SETDB1: variants seen among roughly 807,000 people sequenced by gnomAD.
SETDB1 encodes histone-lysine N-methyltransferase SETDB1.
In SETDB1, 31 loss-of-function variants were observed where a neutral mutation model predicts 137.4. The observed-to-expected ratio is 0.23, with a 90% CI of 0.17 to 0.30. SETDB1 has a LOEUF of 0.30. Among genes scored for constraint, SETDB1 ranks in the 10% least tolerant of loss-of-function variants. The pLI is 1.00. For synonymous variants in SETDB1, 548 were observed against 579.9 expected (o/e 0.95, Z 0.79); for missense variants, 1,113 against 1,631.5 (o/e 0.68, Z 5.47).
At chr1:150,954,177 C>G (rs1345595508) in intron 14 of SETDB1, among the ~76,000 whole-genome samples, 1 of 152,076 alleles carries the variant, frequency 6.6e-6, no homozygotes, top group Non-Finnish European at 1.5e-5. Flanking sequence ...AAAAAATTAG[C>G]CGGGCATGGT....
intron 12 of SETDB1, 129 bp downstream of exon 12, chr1:150,949,654 G>T: frequency 1.4e-6 from 1 of 731,418 alleles, no homozygotes. Context: ...ACTTGAAAAG[G>T]AAGCTTTACC....
rs1300358490 is a variant in SETDB1 at position 150,949,022 on chromosome 1, G to A, written c.1268-100G>A. On this transcript the variant is annotated intron_variant, in intron 10 of 21. Transcript: ENST00000692827. ...GCAAGAGCCACTGCGCCCAGCCATT[G>A]CTTCCTTTTTATATTGTATAAGTTA... is the stretch of plus-strand genomic sequence containing the variant. The A allele has an allele frequency of 1.5e-5, 18 of 1,235,710 alleles. No homozygotes were observed. The Admixed American group carries it at 1.7e-4, about 12-fold the overall frequency. The allele number at this position is 1,235,710 out of a possible 1,614,324, so 76.5% of individuals were successfully genotyped here. A position where few individuals can be genotyped will look rare whatever the true frequency, so the allele number is the denominator to read the frequency against.
chr1:150,951,260 G>A, intron 13 of SETDB1, 105 bp from the exon 14 acceptor site: 3 of 1,116,776 alleles, frequency 2.7e-6, no homozygotes, highest in South Asian at 1.4e-5. Flanking sequence ...TAGGGAGGCT[G>A]GAGTCTGACA....
chr1:150,938,826 CTTTT>C (rs368724725), intron 3 of SETDB1, among the ~76,000 whole-genome samples: 5 of 131,962 alleles, frequency 3.8e-5, no homozygotes, highest in Admixed American at 2.3e-4. Flanking sequence ...TTTTATCCTA[CTTTT>C]TTTTTTTTTT....
chr1:150,949,548 G>C, intron 12 of SETDB1, 23 bp downstream of exon 12: 2 of 1,612,048 alleles, frequency 1.2e-6, no homozygotes, highest in Non-Finnish European at 1.7e-6. Context: ...GAGGCTCTCT[G>C]TAGGCAGGAT....
intron 12 of SETDB1, among the ~76,000 whole-genome samples, chr1:150,949,818 C>T (rs1452605018): frequency 6.6e-6 from 1 of 152,174 alleles, no homozygotes; most frequent in African/African-American, 2.4e-5. Flanking sequence ...CAGCCTCTTT[C>T]CTTGGAGTTA....
At position 150,963,653 on chromosome 1, in the gene SETDB1, G is replaced by C. The variant is rs750158928; in HGVS notation, c.3584G>C (p.Arg1195Pro). Reference sequence around the variant, plus strand: ...GACAAGGGGGAGAGCGCACCTGTTCGTAAGAACACACGCCAATTCTATGAT... The same window carrying C: ...GACAAGGGGGAGAGCGCACCTGTTCCTAAGAACACACGCCAATTCTATGAT... ...SVDKGESAPV[R>P]KNTRQFYDGE... Residue 1195 changes from arginine to proline, a missense_variant, in exon 20 of 22, where the codon CGT (arginine) becomes CCT (proline). Physicochemically the swap from Arg to Pro is moderately radical, Grantham distance 103. Coordinates refer to ENST00000692827, the MANE Select transcript of SETDB1 (RefSeq NM_001366418.1). 4 of 1,614,102 alleles carry C rather than the reference G, an allele frequency of 2.5e-6. No homozygotes were observed. In the Admixed American group the frequency reaches 5.0e-5, roughly 20 times the overall value.
intron 14 of SETDB1, among the ~76,000 whole-genome samples, chr1:150,953,035 C>T (rs1670536101): frequency 6.6e-6 from 1 of 152,116 alleles, no homozygotes; most frequent in South Asian, 2.1e-4. Flanking sequence ...AATAAGTTCA[C>T]CTAGAGACAA....
At chr1:150,958,974 A>G (rs1195683267) in intron 14 of SETDB1, among the ~76,000 whole-genome samples, 1 of 152,002 alleles carries the variant, frequency 6.6e-6, no homozygotes, top group East Asian at 1.9e-4. Context: ...CGCCCTCTAA[A>G]TTTTTTCCTT....
Position 150,961,162 on chromosome 1 carries a change from G to A in SETDB1, c.3103G>A (p.Glu1035Lys). ...CACCTCAGGACTAGGCATCAAGGATGAGGGAGACATCAAACAGGCCAAGAA... is the reference window on the plus strand; with the variant it reads ...CACCTCAGGACTAGGCATCAAGGATAAGGGAGACATCAAACAGGCCAAGAA... Reference protein sequence around the residue: ...ASTSGLGIKDEGDIKQAKKED... With the variant: ...ASTSGLGIKDKGDIKQAKKED... Residue 1035 changes from glutamate (E) to lysine (K), a missense_variant, in exon 16 of 22, where the codon GAG (glutamate) becomes AAG (lysine). Glu to Lys is a moderately conservative substitution (Grantham distance 56). Transcript: ENST00000692827. 6.2e-7 allele frequency: 1 copy of A among 1,613,800 alleles called. No individual in the cohort carries two copies. Among genetic ancestry groups the A allele is most frequent in the Middle Eastern group, 1.7e-4 (1 of 5,726 alleles).
At chr1:150,941,938 G>A (rs1156596944) in intron 5 of SETDB1, among the ~76,000 whole-genome samples, 2 of 151,520 alleles carry the variant, frequency 1.3e-5, no homozygotes, top group Admixed American at 6.6e-5. Context: ...TCAGGAGTTC[G>A]ACACCAGCCT....
At chr1:150,933,117 T>C (rs759802712) in intron 3 of SETDB1, among the ~76,000 whole-genome samples, 17 of 152,130 alleles carry the variant, frequency 1.1e-4, no homozygotes, top group Admixed American at 2.0e-4. Context: ...TGGAGTGTGA[T>C]AGCATGATCA....
intron 1 of SETDB1, 99 bp from the exon 2 acceptor site, chr1:150,927,605 C>A: frequency 9.8e-7 from 1 of 1,017,566 alleles, no homozygotes; most frequent in Non-Finnish European, 1.5e-6. Context: ...GAATAACAGG[C>A]AGCAGAGTAG....
intron 6 of SETDB1, 43 bp downstream of exon 6, chr1:150,942,731 C>T (rs753236740): frequency 6.2e-7 from 1 of 1,602,578 alleles, no homozygotes; most frequent in Non-Finnish European, 8.5e-7. Flanking sequence ...AGGCAACCTG[C>T]ACCCTCCACT....
chr1:150,953,090 C>T (rs587643397), intron 14 of SETDB1, among the ~76,000 whole-genome samples: 1 of 152,150 alleles, frequency 6.6e-6, no homozygotes, highest in Admixed American at 6.5e-5. Context: ...CCTGGGTGCC[C>T]CAACATTTAA....
In SETDB1 at chr1:150,962,725, TCA is replaced by T. The variant is rs749800530; in HGVS notation, c.3294+8_3294+9del. Reference sequence around the variant, plus strand: ...CTGCTCAGTCCAACCCTGATGTAAGTCACCTCAAGCTTATTCAGAGTCTAATA... The same window carrying T: ...CTGCTCAGTCCAACCCTGATGTAAGTCCTCAAGCTTATTCAGAGTCTAATA... On this transcript the variant is annotated splice_region_variant and intron_variant, in intron 18 of 21. Transcript: ENST00000692827. 6.2e-7 allele frequency: 1 copy of T among 1,613,674 alleles called. No individual in the cohort carries two copies. Among genetic ancestry groups the T allele is most frequent in the Non-Finnish European group, 8.5e-7 (1 of 1,179,794 alleles).
chr1:150,957,661 A>AT (rs1670684867), intron 14 of SETDB1, among the ~76,000 whole-genome samples: 1 of 152,200 alleles, frequency 6.6e-6, no homozygotes, highest in African/African-American at 2.4e-5. Context: ...TATGTGCTAG[A>AT]TCCCTCTGAT....
At position 150,942,507 on chromosome 1, in the gene SETDB1, C is replaced by T. The variant is rs202234946; in HGVS notation, c.548-56C>T. On this transcript the variant is annotated intron_variant, in intron 5 of 21. Transcript: ENST00000692827. ...TACCATACTACCCTCTTTACCTTCC[C>T]GTTCTCTACCGAATCTATGTCATAA... is the stretch of plus-strand genomic sequence containing the variant. 1.8e-4 allele frequency: 270 copies of T among 1,515,532 alleles called. 1 individual carries two copies. Among genetic ancestry groups the T allele is most frequent in the Middle Eastern group, 1.2e-3 (7 of 5,712 alleles). The allele number at this position is 1,515,532 out of a possible 1,614,324, so 93.9% of individuals were successfully genotyped here.
intron 3 of SETDB1, among the ~76,000 whole-genome samples, chr1:150,937,297 T>A (rs587675362): frequency 6.6e-6 from 1 of 152,076 alleles, no homozygotes; most frequent in South Asian, 2.1e-4. Context: ...ATGAGATATC[T>A]AGCATTCAGT....
Sources: allele counts gnomAD v4.1 joint callset (sites outside exome capture counted in the v4.1 genomes callset), GRCh38; gene constraint gnomAD v4.1.1; transcripts MANE v1.5; gene names NCBI Gene and HGNC (gene_info 2026-07-23, HGNC 2026-07-21).